The following RNF122 variants were observed in gnomAD, a reference collection of about 807,000 sequenced individuals.
The protein encoded by RNF122 is ring finger protein 122.
RNF122 carries 17 observed loss-of-function variants against 24.2 expected under a neutral mutation model. The ratio of observed to expected loss-of-function variants is 0.70; its 90% confidence interval spans 0.48 to 1.06. The LOEUF is 1.06. Ranked by LOEUF, RNF122 falls within the 50% of genes least tolerant of loss-of-function variation. RNF122 has a pLI of 0.00. For synonymous variants in RNF122, 65 were observed against 71.8 expected, an observed-to-expected ratio of 0.91 and a Z score of 0.48; for missense variants, 168 against 198.1, an observed-to-expected ratio of 0.85 and a Z score of 0.91.
chr8:33,566,054 T>G (rs1000895260), intron 1 of RNF122, among the ~76,000 whole-genome samples: 2 of 152,190 alleles, frequency 1.3e-5, no homozygotes, highest in Non-Finnish European at 2.9e-5. Flanking sequence ...AGTTTCTCCA[T>G]GTTGGTTAGG....
intron 2 of RNF122, among the ~76,000 whole-genome samples, chr8:33,554,764 A>G (rs78525601): frequency 0.013 from 2,050 of 152,228 alleles, 35 homozygotes; most frequent in African/African-American, 0.04. Flanking sequence ...AGAACAAACA[A>G]TGCAGCCAGG....
intron 1 of RNF122, 25 bp downstream of exon 1, chr8:33,566,674 C>T (rs1489855162): frequency 6.3e-7 from 1 of 1,594,470 alleles, no homozygotes; most frequent in Admixed American, 1.8e-5. Flanking sequence ...CCCACGTAGG[C>T]TCGGCCCTCG....
At chr8:33,555,492 C>G (rs1473974036) in intron 2 of RNF122, among the ~76,000 whole-genome samples, 2 of 152,192 alleles carry the variant, frequency 1.3e-5, no homozygotes, top group Non-Finnish European at 2.9e-5. Flanking sequence ...CGTGAGCCAC[C>G]ACGCCCAGCC....
At chr8:33,565,496 A>G (rs1484045350) in intron 1 of RNF122, among the ~76,000 whole-genome samples, 1 of 151,620 alleles carries the variant, frequency 6.6e-6, no homozygotes, top group African/African-American at 2.4e-5. Context: ...CAAGACTAGG[A>G]CCCCAGGAGG....
intron 2 of RNF122, among the ~76,000 whole-genome samples, chr8:33,553,070 CAAA>C (rs34104851): frequency 9.7e-5 from 10 of 103,446 alleles, no homozygotes; most frequent in Admixed American, 2.3e-4. Flanking sequence ...GACCCTGTCT[CAAA>C]AAAAAAAAAA....
intron 1 of RNF122, among the ~76,000 whole-genome samples, chr8:33,561,516 G>A (rs1464595051): frequency 6.7e-6 from 1 of 150,360 alleles, no homozygotes; most frequent in Admixed American, 6.6e-5. Flanking sequence ...TACCCCACAC[G>A]CCTGACACAT....
At position 33,566,927 on chromosome 8, in the gene RNF122, GAAACA is replaced by G. The variant is rs905456259; in HGVS notation, c.-209_-205del. The G allele has an allele frequency of 2.4e-5, 15 of 617,584 alleles. No homozygotes were observed. The highest frequency in any genetic ancestry group is 4.0e-5 in the Non-Finnish European group (14 of 345,748). 38.3% of individuals were successfully genotyped at this position (617,584 alleles called of 1,614,324 possible). A position where few individuals can be genotyped will look rare whatever the true frequency, so the allele number is the denominator to read the frequency against. On this transcript the variant is annotated 5_prime_UTR_variant, in exon 1 of 6. Transcript: ENST00000256257. ...CAGCCCAACAAAGAGGGACGAGGAGGAAACAAACAAAGTCCCGCGGAGCACAGCCG... is the reference window on the plus strand; with the variant it reads ...CAGCCCAACAAAGAGGGACGAGGAGGAACAAAGTCCCGCGGAGCACAGCCG...
chr8:33,548,893 C>A (rs758643213), intron 5 of RNF122, 26 bp from the exon 6 acceptor site: 1 of 1,511,702 alleles, frequency 6.6e-7, no homozygotes, highest in Non-Finnish European at 9.2e-7. Context: ...GAATGGTAAT[C>A]TCTAACCAGA....
chr8:33,551,602 C>A (rs915079054), intron 2 of RNF122, among the ~76,000 whole-genome samples: 6 of 152,146 alleles, frequency 3.9e-5, no homozygotes, highest in Admixed American at 3.9e-4. Flanking sequence ...AAATTCACCA[C>A]CAGGTCTCAT....
chr8:33,549,237 A>C (rs903319441), intron 5 of RNF122, among the ~76,000 whole-genome samples, 173 bp downstream of exon 5: 5 of 152,018 alleles, frequency 3.3e-5, no homozygotes, highest in African/African-American at 7.2e-5. Flanking sequence ...AAAAAGAAGA[A>C]TATCCCTACC....
intron 3 of RNF122, 49 bp from the exon 4 acceptor site, chr8:33,551,134 G>A: frequency 1.2e-6 from 2 of 1,602,054 alleles, no homozygotes; most frequent in South Asian, 2.2e-5. Context: ...CAACCACTGG[G>A]GCCAGCCAGG....
At chr8:33,556,077 G>C (rs1810446605) in intron 2 of RNF122, among the ~76,000 whole-genome samples, 1 of 150,300 alleles carries the variant, frequency 6.7e-6, no homozygotes, top group African/African-American at 2.5e-5. Flanking sequence ...GTACTCGGGA[G>C]ACTGAGTTGG....
chr8:33,560,558 T>TTTTTCC (rs1810525631), intron 1 of RNF122, among the ~76,000 whole-genome samples: 1 of 152,000 alleles, frequency 6.6e-6, no homozygotes, highest in Non-Finnish European at 1.5e-5. Flanking sequence ...TTTTCCTTTT[T>TTTTTCC]TTTTTTGTGA....
At chr8:33,552,079 CT>C (rs1397028721) in intron 2 of RNF122, among the ~76,000 whole-genome samples, 2 of 152,170 alleles carry the variant, frequency 1.3e-5, no homozygotes, top group Non-Finnish European at 2.9e-5. Context: ...TGATTCCAAA[CT>C]CCAAGAGTGA....
intron 2 of RNF122, among the ~76,000 whole-genome samples, chr8:33,551,708 T>C (rs1295380421): frequency 6.6e-6 from 1 of 152,134 alleles, no homozygotes; most frequent in Non-Finnish European, 1.5e-5. Context: ...GTCACCAAAC[T>C]ACATAGAAAT....
Position 33,551,043 on chromosome 8 carries a change from C to G in RNF122, c.270+1G>C. 6.2e-7 allele frequency: 1 copy of G among 1,613,998 alleles called. No homozygotes were observed. Among genetic ancestry groups the G allele is most frequent in the Non-Finnish European group, 8.5e-7 (1 of 1,179,918 alleles). ...CCTGCACACTTTCCTGGCACACTTA[C>G]CCCATATAATTGTAACTTCTTGGCA... On this transcript the variant is annotated splice_donor_variant, in intron 4 of 5. Coordinates refer to ENST00000256257, the MANE Select transcript of RNF122 (RefSeq NM_024787.3). LOFTEE classifies it high-confidence loss of function.
chr8:33,559,550 T>C (rs1333021310), intron 1 of RNF122, among the ~76,000 whole-genome samples: 1 of 152,088 alleles, frequency 6.6e-6, no homozygotes, highest in African/African-American at 2.4e-5. Context: ...GCTTTGTAAA[T>C]TGCAAAGGAC....
At chr8:33,566,054 T>C (rs1000895260) in intron 1 of RNF122, among the ~76,000 whole-genome samples, 2 of 152,190 alleles carry the variant, frequency 1.3e-5, no homozygotes, top group Non-Finnish European at 2.9e-5. Flanking sequence ...AGTTTCTCCA[T>C]GTTGGTTAGG....
chr8:33,561,380 C>T (rs780843169), intron 1 of RNF122, among the ~76,000 whole-genome samples: 1 of 152,088 alleles, frequency 6.6e-6, no homozygotes, highest in African/African-American at 2.4e-5. Flanking sequence ...GACTATATAA[C>T]GAGCCTCCAT....
Sources: allele counts gnomAD v4.1 joint callset (sites outside exome capture counted in the v4.1 genomes callset), GRCh38; gene constraint gnomAD v4.1.1; transcripts MANE v1.5; gene names NCBI Gene and HGNC (gene_info 2026-07-23, HGNC 2026-07-21).